The following ATG4C variants were observed in gnomAD, a reference collection of about 807,000 sequenced individuals.
ATG4C encodes the protein cysteine protease ATG4C.
Under a neutral mutation model 57.6 loss-of-function variants are expected in ATG4C, and 56 were observed. That is an observed-to-expected ratio of 0.97 (90% confidence interval 0.78 to 1.21). The LOEUF is 1.21. Among genes scored for constraint, ATG4C ranks in the 50% most tolerant of loss-of-function variants. ATG4C has a pLI of 0.00. For synonymous variants in ATG4C, 157 were observed against 174.1 expected, an observed-to-expected ratio of 0.90 and a Z score of 0.78; for missense variants, 595 against 529.8, an observed-to-expected ratio of 1.12 and a Z score of -1.21.
intron 5 of ATG4C, 152 bp downstream of exon 5, chr1:62,819,487 A>C: frequency 1.6e-6 from 1 of 612,052 alleles, no homozygotes; most frequent in Non-Finnish European, 2.6e-6. Context: ...GCAGGGAAAA[A>C]AGAAGACATA....
At chr1:62,821,856 A>G (rs181787079) in intron 6 of ATG4C, among the ~76,000 whole-genome samples, 197 of 152,278 alleles carry the variant, frequency 1.3e-3, no homozygotes, top group African/African-American at 4.5e-3. Flanking sequence ...CATAGCCTGA[A>G]GGAAATATCA....
chr1:62,803,739 C>A lies in ATG4C; in HGVS notation c.-48C>A. On this transcript the variant is annotated 5_prime_UTR_variant, in exon 2 of 11. Transcript: ENST00000317868. ...TAAAGTCAGTATAAAAGATTAAACT[C>A]TACAGAAGAATGCAATCAAGTGATG... The A allele has an allele frequency of 7.4e-7, 1 of 1,345,660 alleles. No individual in the cohort carries two copies. Among genetic ancestry groups the A allele is most frequent in the Non-Finnish European group, 1.0e-6 (1 of 957,570 alleles). 83.4% of individuals were successfully genotyped at this position (1,345,660 alleles called of 1,614,324 possible).
chr1:62,799,801 GTTCAA>G lies in ATG4C; in HGVS notation c.-68-3915_-68-3911del, dbSNP rs1319418514. On this transcript the variant is annotated intron_variant, in intron 1 of 10. Coordinates refer to ENST00000317868, the MANE Select transcript of ATG4C (RefSeq NM_032852.4). Reference sequence around the variant, plus strand: ...TATGCTCTTTTAGTTATTTTTAAATGTTCAATTAAATTATTATTGACTATAATCCC... The same window carrying G: ...TATGCTCTTTTAGTTATTTTTAAATGTTAAATTATTATTGACTATAATCCC... Among the ~76,000 whole-genome samples, 3 of 151,436 alleles carry G rather than the reference GTTCAA, an allele frequency of 2.0e-5. No individual in the cohort carries two copies. In the East Asian group the frequency reaches 5.8e-4, roughly 29 times the overall value.
At chr1:62,845,633 A>G (rs1202423581) in intron 10 of ATG4C, among the ~76,000 whole-genome samples, 2 of 152,198 alleles carry the variant, frequency 1.3e-5, no homozygotes, top group African/African-American at 2.4e-5. Context: ...AGTCATAAAC[A>G]TATTCTCCTA....
At chr1:62,798,569 A>G (rs1664548073) in intron 1 of ATG4C, among the ~76,000 whole-genome samples, 1 of 152,146 alleles carries the variant, frequency 6.6e-6, no homozygotes, top group South Asian at 2.1e-4. Flanking sequence ...ACTTTCCAAC[A>G]TGGCTCAAGG....
intron 3 of ATG4C, among the ~76,000 whole-genome samples, chr1:62,815,946 A>G (rs1029594201): frequency 3.3e-5 from 5 of 152,040 alleles, no homozygotes; most frequent in Non-Finnish European, 7.4e-5. Flanking sequence ...CAGCCTCCCA[A>G]AGTGCTGAGA....
At chr1:62,820,083 C>T (rs1185543288) in intron 5 of ATG4C, among the ~76,000 whole-genome samples, 1 of 151,932 alleles carries the variant, frequency 6.6e-6, no homozygotes, top group Non-Finnish European at 1.5e-5. Context: ...TATTAACATG[C>T]TTCTATATTT....
At position 62,864,368 on chromosome 1, in the gene ATG4C, A is replaced by T; in HGVS notation, c.*209A>T. The T allele has an allele frequency of 4.9e-6, 2 of 407,610 alleles. No homozygotes were observed. Among genetic ancestry groups the T allele is most frequent in the South Asian group, 5.2e-5 (2 of 38,366 alleles). The allele number at this position is 407,610 out of a possible 1,614,324, so 25.2% of individuals were successfully genotyped here. ...TGCTTTCTAATAAATAAATTGAGTGATTCTGGTTGCATTCCTATTTCCCTA... is the reference window on the plus strand; with the variant it reads ...TGCTTTCTAATAAATAAATTGAGTGTTTCTGGTTGCATTCCTATTTCCCTA... On this transcript the variant is annotated 3_prime_UTR_variant, in exon 11 of 11. Coordinates refer to ENST00000317868, the MANE Select transcript of ATG4C (RefSeq NM_032852.4).
chr1:62,833,988 A>G, intron 7 of ATG4C, 50 bp from the exon 8 acceptor site: 1 of 1,521,606 alleles, frequency 6.6e-7, no homozygotes, highest in Non-Finnish European at 9.0e-7. Flanking sequence ...TTTGCTTTGA[A>G]TAATTACCAC....
At chr1:62,803,377 T>G (rs1664746080) in intron 1 of ATG4C, among the ~76,000 whole-genome samples, 1 of 152,218 alleles carries the variant, frequency 6.6e-6, no homozygotes, top group Admixed American at 6.5e-5. Flanking sequence ...TATTCTCACT[T>G]GCGCCAATGC....
In ATG4C at chr1:62,853,067, A is replaced by G. The variant is rs555175440; in HGVS notation, c.1210-10925A>G. Among the ~76,000 whole-genome samples, 298 of 152,314 alleles carry G rather than the reference A, an allele frequency of 2.0e-3. 1 individual carries two copies. Among genetic ancestry groups the G allele is most frequent in the African/African-American group, 6.8e-3 (284 of 41,574 alleles). ...AAATTTTTTGAATTCCTGCATGTCG[A>G]CCAGCTTTATCTTTTAATTTATTGA... On this transcript the variant is annotated intron_variant, in intron 10 of 10. Coordinates refer to ENST00000317868, the MANE Select transcript of ATG4C (RefSeq NM_032852.4).
intron 10 of ATG4C, among the ~76,000 whole-genome samples, chr1:62,856,778 A>C (rs184228275): frequency 3.3e-5 from 5 of 152,308 alleles, no homozygotes; most frequent in Admixed American, 2.6e-4. Context: ...TCAGACAAGA[A>C]GTATGAAGGA....
At chr1:62,826,299 G>A (rs1572137995) in intron 6 of ATG4C, among the ~76,000 whole-genome samples, 1 of 147,350 alleles carries the variant, frequency 6.8e-6, no homozygotes, top group African/African-American at 2.5e-5. Context: ...GCAGTGGTGC[G>A]ATCTCCACTC....
chr1:62,859,895 A>G (rs1030076449), intron 10 of ATG4C, among the ~76,000 whole-genome samples: 2 of 152,110 alleles, frequency 1.3e-5, no homozygotes, highest in South Asian at 2.1e-4. Flanking sequence ...GGGTTTCACC[A>G]TCTTACTGTA....
At chr1:62,851,901 G>C (rs967492862) in intron 10 of ATG4C, among the ~76,000 whole-genome samples, 5 of 152,118 alleles carry the variant, frequency 3.3e-5, no homozygotes, top group African/African-American at 1.2e-4. Context: ...GTTAAATCAA[G>C]GAATAGTTTG....
chr1:62,812,716 A>T (rs1173575238), intron 3 of ATG4C, among the ~76,000 whole-genome samples: 1 of 152,230 alleles, frequency 6.6e-6, no homozygotes, highest in Non-Finnish European at 1.5e-5. Context: ...GTATATTTAG[A>T]AAACCCTGTT....
chr1:62,792,398 T>C (rs1271088054), intron 1 of ATG4C, among the ~76,000 whole-genome samples: 1 of 152,168 alleles, frequency 6.6e-6, no homozygotes, highest in East Asian at 1.9e-4. Context: ...ACATTTAATG[T>C]AGAAAAGAGA....
chr1:62,850,803 A>T (rs1006904168), intron 10 of ATG4C, among the ~76,000 whole-genome samples: 33 of 146,408 alleles, frequency 2.3e-4, no homozygotes, highest in Non-Finnish European at 3.9e-4. Flanking sequence ...ATCACTATAC[A>T]CATATACGTA....
At chr1:62,810,711 G>GTT (rs10677674) in intron 3 of ATG4C, among the ~76,000 whole-genome samples, 4,732 of 141,482 alleles carry the variant, frequency 0.033, 253 homozygotes, top group African/African-American at 0.11. Context: ...TTGAGTCCTT[G>GTT]TTTTTTTTTT....
Sources: allele counts gnomAD v4.1 joint callset (sites outside exome capture counted in the v4.1 genomes callset), GRCh38; gene constraint gnomAD v4.1.1; transcripts MANE v1.5; gene names NCBI Gene and HGNC (gene_info 2026-07-23, HGNC 2026-07-21).